SDK1: variants seen among roughly 807,000 people sequenced by gnomAD.
SDK1 encodes sidekick cell adhesion molecule 1.
A neutral mutation model predicts 245.5 loss-of-function variants in SDK1; 157 were observed. The observed-to-expected ratio is 0.64, with a 90% CI of 0.56 to 0.73. The LOEUF is 0.73. SDK1 is among the 30% of genes least tolerant of loss of function. The pLI is 0.00. For synonymous variants in SDK1, 1,647 were observed against 1,278.5 expected, an observed-to-expected ratio of 1.29 and a Z score of -6.15; for missense variants, 3,583 against 3,002.3, an observed-to-expected ratio of 1.19 and a Z score of -4.52.
At chr7:3,356,564 CTG>C (rs1448894566) in intron 1 of SDK1, among the ~76,000 whole-genome samples, 6 of 152,116 alleles carry the variant, frequency 3.9e-5, no homozygotes, top group Non-Finnish European at 5.9e-5. Flanking sequence ...TGTTTATTTT[CTG>C]TGTGTATTCT....
intron 1 of SDK1, among the ~76,000 whole-genome samples, chr7:3,376,299 A>C (rs980471582): frequency 6.6e-6 from 1 of 152,198 alleles, no homozygotes; most frequent in Admixed American, 6.5e-5. Flanking sequence ...TGGGGTGGAG[A>C]AGGATTTCCT....
chr7:3,688,130 T>G (rs916959808), intron 4 of SDK1, among the ~76,000 whole-genome samples: 11 of 152,240 alleles, frequency 7.2e-5, no homozygotes, highest in African/African-American at 2.2e-4. Flanking sequence ...TACAGCTACT[T>G]CCTAACTCCT....
chr7:3,991,705 A>C (rs1048039706), intron 14 of SDK1, among the ~76,000 whole-genome samples: 2 of 152,112 alleles, frequency 1.3e-5, no homozygotes, highest in African/African-American at 4.8e-5. Context: ...TGTGGCATGC[A>C]GAATCTAGAG....
intron 13 of SDK1, among the ~76,000 whole-genome samples, chr7:3,980,475 G>A (rs1233911670): frequency 6.6e-6 from 1 of 152,122 alleles, no homozygotes; most frequent in African/African-American, 2.4e-5. Context: ...TCACTCTACT[G>A]ATCATTTATC....
chr7:3,418,160 AAAAAAAAAT>A (rs1283206660), intron 1 of SDK1, among the ~76,000 whole-genome samples: 3 of 144,012 alleles, frequency 2.1e-5, no homozygotes, highest in Non-Finnish European at 4.7e-5. Flanking sequence ...AAAAAAAAAA[AAAAAAAAAT>A]AGCTGAGCTG....
intron 1 of SDK1, among the ~76,000 whole-genome samples, chr7:3,600,783 C>T (rs1781230984): frequency 2.0e-5 from 3 of 152,054 alleles, no homozygotes; most frequent in Non-Finnish European, 4.4e-5. Context: ...CTCCTGACCT[C>T]ATGATCCGGC....
At chr7:3,661,496 A>G (rs1026304446) in intron 4 of SDK1, among the ~76,000 whole-genome samples, 6 of 152,192 alleles carry the variant, frequency 3.9e-5, no homozygotes, top group African/African-American at 1.2e-4. Flanking sequence ...ATGAATTTAA[A>G]TAAGTTGTAA....
intron 1 of SDK1, among the ~76,000 whole-genome samples, chr7:3,604,485 C>T (rs1208226991): frequency 6.6e-6 from 1 of 152,014 alleles, no homozygotes; most frequent in Admixed American, 6.5e-5. Flanking sequence ...CCTCTCAACA[C>T]TTCTTTAGCT....
intron 24 of SDK1, 112 bp from the exon 25 acceptor site, chr7:4,113,925 C>T (rs1298363913): frequency 1.0e-5 from 8 of 765,910 alleles, no homozygotes; most frequent in Non-Finnish European, 1.7e-5. Context: ...CTATTTCCCC[C>T]AGGAACACCT....
At chr7:3,345,663 G>A (rs1421023655) in intron 1 of SDK1, among the ~76,000 whole-genome samples, 12 of 151,856 alleles carry the variant, frequency 7.9e-5, no homozygotes, top group Admixed American at 4.6e-4. Context: ...CAGGATGGTG[G>A]CACGGCTGAA....
chr7:4,025,267 T>G (rs948796269), intron 17 of SDK1, among the ~76,000 whole-genome samples: 7 of 152,190 alleles, frequency 4.6e-5, no homozygotes, highest in African/African-American at 1.7e-4. Context: ...TTGCCTCCCT[T>G]TCGGAAAAAG....
At chr7:4,258,649 T>TG (rs1418743493) in intron 44 of SDK1, among the ~76,000 whole-genome samples, 1 of 152,200 alleles carries the variant, frequency 6.6e-6, no homozygotes, top group Non-Finnish European at 1.5e-5. Context: ...GAAGGTCACT[T>TG]GCATTTGTGG....
chr7:4,064,693 A>C (rs1413452141), intron 19 of SDK1, among the ~76,000 whole-genome samples: 1 of 152,202 alleles, frequency 6.6e-6, no homozygotes, highest in African/African-American at 2.4e-5. Flanking sequence ...GGATAAGAAA[A>C]TGTGGTGTAT....
intron 1 of SDK1, among the ~76,000 whole-genome samples, chr7:3,377,452 C>A (rs1295520776): frequency 6.6e-6 from 1 of 152,106 alleles, no homozygotes; most frequent in African/African-American, 2.4e-5. Flanking sequence ...GGCAAGCTTC[C>A]CCGTGGGGTG....
At chr7:3,772,008 G>A (rs775612181) in intron 4 of SDK1, among the ~76,000 whole-genome samples, 15 of 152,130 alleles carry the variant, frequency 9.9e-5, no homozygotes, top group Non-Finnish European at 2.1e-4. Context: ...GGATCATACA[G>A]TATTTCTCAT....
chr7:3,489,425 T>C (rs535601728), intron 1 of SDK1, among the ~76,000 whole-genome samples: 1 of 152,358 alleles, frequency 6.6e-6, no homozygotes, highest in East Asian at 1.9e-4. Context: ...TACTATAAAA[T>C]TCTACTCCTG....
chr7:4,264,400 C>T (rs112702151), intron 44 of SDK1, among the ~76,000 whole-genome samples: 2,243 of 133,736 alleles, frequency 0.017, 36 homozygotes, highest in African/African-American at 0.065. Context: ...TGGACCTCTC[C>T]TGGGGTAAGG....
chr7:3,845,741 C>A (rs1042577942), intron 5 of SDK1, among the ~76,000 whole-genome samples: 1 of 151,362 alleles, frequency 6.6e-6, no homozygotes, highest in African/African-American at 2.4e-5. Context: ...AAAAGAAATT[C>A]CATTTGCAGT....
At chr7:3,984,861 G>T (rs1783702881) in intron 13 of SDK1, among the ~76,000 whole-genome samples, 1 of 152,204 alleles carries the variant, frequency 6.6e-6, no homozygotes, top group Admixed American at 6.5e-5. Flanking sequence ...CCCAGAAATT[G>T]TGAACATAAG....
Sources: gnomAD v4.1 joint callset for allele counts (sites outside exome capture counted in the v4.1 genomes callset) on GRCh38, gnomAD v4.1.1 for gene constraint, MANE v1.5 for transcripts, NCBI Gene and HGNC (gene_info 2026-07-23, HGNC 2026-07-21) for gene names.